The following DGLUCY variants were observed in gnomAD, a reference collection of about 807,000 sequenced individuals.
DGLUCY encodes D-glutamate cyclase, mitochondrial.
A neutral mutation model predicts 58.5 loss-of-function variants in DGLUCY; 58 were observed. The observed-to-expected ratio is 0.99, with a 90% CI of 0.80 to 1.23. DGLUCY has a LOEUF of 1.23. Ranked by LOEUF, DGLUCY falls within the 50% of genes most tolerant of loss-of-function variation. DGLUCY has a pLI of 0.00. For missense variants in DGLUCY, 779 were observed against 784.7 expected, an observed-to-expected ratio of 0.99 and a Z score of 0.09; for synonymous variants, 325 against 314.1, an observed-to-expected ratio of 1.03 and a Z score of -0.37.
At chr14:91,143,059 G>C (rs183682489) in intron 1 of DGLUCY, among the ~76,000 whole-genome samples, 1 of 148,646 alleles carries the variant, frequency 6.7e-6, no homozygotes, top group Non-Finnish European at 1.5e-5. Context: ...AGGATCTAAT[G>C]GCAGTTTTGG....
chr14:91,113,118 G>A (rs1296115741), upstream of DGLUCY, among the ~76,000 whole-genome samples: 1 of 151,910 alleles, frequency 6.6e-6, no homozygotes, highest in Non-Finnish European at 1.5e-5. Flanking sequence ...CAGCCAGCAT[G>A]GTGAAACCCC....
intron 1 of DGLUCY, among the ~76,000 whole-genome samples, chr14:91,122,300 C>T (rs1485462584): frequency 6.6e-6 from 1 of 151,868 alleles, no homozygotes; most frequent in Non-Finnish European, 1.5e-5. Flanking sequence ...AACACAGGTA[C>T]GTGCCACCCT....
chr14:91,089,907 G>T (rs1286829189), intron 1 of DGLUCY, among the ~76,000 whole-genome samples: 1 of 151,696 alleles, frequency 6.6e-6, no homozygotes, highest in Admixed American at 6.6e-5. Context: ...TAATGAAAAG[G>T]GACGTTATTA....
chr14:91,123,484 TA>T (rs10631451), intron 1 of DGLUCY, among the ~76,000 whole-genome samples: 4 of 148,930 alleles, frequency 2.7e-5, no homozygotes, highest in Non-Finnish European at 3.0e-5. Context: ...TGGAGACAGT[TA>T]AAAAAAAAAA....
chr14:91,120,644 C>G (rs572089833), intron 1 of DGLUCY, among the ~76,000 whole-genome samples: 12 of 152,292 alleles, frequency 7.9e-5, no homozygotes, highest in African/African-American at 2.6e-4. Flanking sequence ...ACTCTGTCCT[C>G]AGGTGAGCCA....
intron 2 of DGLUCY, among the ~76,000 whole-genome samples, 186 bp downstream of exon 2, chr14:91,157,876 A>T (rs2047755999): frequency 6.6e-6 from 1 of 152,228 alleles, no homozygotes; most frequent in African/African-American, 2.4e-5. Context: ...TAAAGGAAAG[A>T]GAAGGCAATA....
At chr14:91,064,952 G>A (rs1231966584) in intron 1 of DGLUCY, among the ~76,000 whole-genome samples, 3 of 152,124 alleles carry the variant, frequency 2.0e-5, no homozygotes, top group Non-Finnish European at 2.9e-5. Context: ...AGGGATCCAG[G>A]GAGTTTTTCG....
At chr14:91,129,630 A>G (rs1326368507) in intron 1 of DGLUCY, among the ~76,000 whole-genome samples, 2 of 151,868 alleles carry the variant, frequency 1.3e-5, no homozygotes, top group Non-Finnish European at 2.9e-5. Flanking sequence ...CTTTTATTCA[A>G]CATGATGTTT....
Position 91,181,044 on chromosome 14 carries a change from C to T in DGLUCY, c.731-142C>T, listed in dbSNP as rs554220641. 148 of 669,554 alleles carry T rather than the reference C, an allele frequency of 2.2e-4. No individual in the cohort carries two copies. The African/African-American group carries it at 2.4e-3, about 11-fold the overall frequency. The allele number at this position is 669,554 out of a possible 1,614,324, so 41.5% of individuals were successfully genotyped here. Reference sequence around the variant, plus strand: ...TAGCTATAAACCAGCTTATTCTGACCTTGGTGCCAGCAGGTGGTATAGGGA... The same window carrying T: ...TAGCTATAAACCAGCTTATTCTGACTTTGGTGCCAGCAGGTGGTATAGGGA... On this transcript the variant is annotated intron_variant, in intron 7 of 13. Coordinates refer to ENST00000256324, the MANE Select transcript of DGLUCY (RefSeq NM_001102368.3).
At chr14:91,085,221 C>CAAAAA (rs745438426) in intron 1 of DGLUCY, among the ~76,000 whole-genome samples, 1 of 89,280 alleles carries the variant, frequency 1.1e-5, no homozygotes, top group Non-Finnish European at 2.4e-5. Context: ...AACCCTGTCT[C>CAAAAA]AAAAAAAAAA....
Position 91,175,996 on chromosome 14 carries a change from G to C in DGLUCY, c.670G>C (p.Gly224Arg), listed in dbSNP as rs75931548. Reference sequence around the variant, plus strand: ...CGGGGATGCCATGGTGTGTCCCCCAGGGGAGGTTCCAGTGTTCTGGCCTTC... The same window carrying C: ...CGGGGATGCCATGGTGTGTCCCCCACGGGAGGTTCCAGTGTTCTGGCCTTC... ...AYGDAMVCPP[G>R]EVPVFWPSPL... is the part of the protein sequence containing the mutation. The change falls in exon 7 of 14, where the codon GGG becomes CGG. Residue 224 changes from glycine to arginine, a missense_variant. By Grantham distance (125) the Gly-to-Arg change is moderately radical. Transcript: ENST00000256324. The C allele has an allele frequency of 4.4e-4, 708 of 1,614,054 alleles. 8 individuals carry two copies. The African/African-American group carries it at 8.0e-3, about 18-fold the overall frequency.
At chr14:91,080,396 G>C (rs1196641281) in intron 1 of DGLUCY, among the ~76,000 whole-genome samples, 1 of 152,090 alleles carries the variant, frequency 6.6e-6, no homozygotes, top group East Asian at 1.9e-4. Flanking sequence ...TTTTGAGACG[G>C]AGTCTCGCAC....
At chr14:91,120,005 C>A (rs941354875) in intron 1 of DGLUCY, among the ~76,000 whole-genome samples, 8 of 152,168 alleles carry the variant, frequency 5.3e-5, no homozygotes, top group African/African-American at 1.4e-4. Context: ...GGCTTCCCTA[C>A]TTTTGAGGTT....
At position 91,169,913 on chromosome 14, in the gene DGLUCY, C is replaced by T. The variant is rs1368853443; in HGVS notation, c.258-90C>T. Reference sequence around the variant, plus strand: ...GCTGAAAATTTCAGCACTAGACATCCTCTTCTCTCTCCGCAGTCCTTCTAT... The same window carrying T: ...GCTGAAAATTTCAGCACTAGACATCTTCTTCTCTCTCCGCAGTCCTTCTAT... On this transcript the variant is annotated intron_variant, in intron 4 of 13. Transcript: ENST00000256324. The T allele has an allele frequency of 1.1e-5, 15 of 1,373,986 alleles. No individual in the cohort carries two copies. In the East Asian group the frequency reaches 1.6e-4, roughly 15 times the overall value. 85.1% of individuals were successfully genotyped at this position (1,373,986 alleles called of 1,614,324 possible). A position where few individuals can be genotyped will look rare whatever the true frequency, so the allele number is the denominator to read the frequency against.
intron 1 of DGLUCY, among the ~76,000 whole-genome samples, chr14:91,074,368 A>G (rs1314339254): frequency 1.3e-5 from 2 of 150,178 alleles, no homozygotes; most frequent in East Asian, 3.9e-4. Flanking sequence ...AGTCCTAGCT[A>G]CTTAGAAGGC....
intron 8 of DGLUCY, among the ~76,000 whole-genome samples, chr14:91,185,154 A>C (rs1441220160): frequency 6.6e-6 from 1 of 151,172 alleles, no homozygotes; most frequent in Non-Finnish European, 1.5e-5. Flanking sequence ...ATTTTAGTAG[A>C]GCTGGGGTTT....
rs531999448 is a variant in DGLUCY, at chr14:91,201,884, C to G, written c.1444+1979C>G. 2.2e-3 allele frequency among the ~76,000 whole-genome samples: 327 copies of G among 151,896 alleles called. 13 individuals are homozygous for G. Among genetic ancestry groups the G allele is most frequent in the Admixed American group, 0.021 (323 of 15,234 alleles). Reference sequence around the variant, plus strand: ...CCTGGCCAACATGGCACAACCCCGTCTCTATTAAATATATAAAAAAATTAA... The same window carrying G: ...CCTGGCCAACATGGCACAACCCCGTGTCTATTAAATATATAAAAAAATTAA... On this transcript the variant is annotated intron_variant, in intron 11 of 13. Transcript: ENST00000256324.
intron 1 of DGLUCY, among the ~76,000 whole-genome samples, chr14:91,085,553 T>G (rs1018507138): frequency 1.8e-4 from 24 of 132,524 alleles, no homozygotes; most frequent in Non-Finnish European, 6.0e-5. Flanking sequence ...AGTTCCTTTG[T>G]TTTTTTTTTG....
intron 1 of DGLUCY, among the ~76,000 whole-genome samples, chr14:91,130,770 C>T (rs1028167063): frequency 6.6e-6 from 1 of 151,794 alleles, no homozygotes; most frequent in Admixed American, 6.6e-5. Flanking sequence ...AGATGTGCAC[C>T]ACCACACCCA....
Sources: allele counts gnomAD v4.1 joint callset (sites outside exome capture counted in the v4.1 genomes callset), GRCh38; gene constraint gnomAD v4.1.1; transcripts MANE v1.5; gene names NCBI Gene and HGNC (gene_info 2026-07-23, HGNC 2026-07-21).